GPHN: variants seen among roughly 807,000 people sequenced by gnomAD.
GPHN encodes the protein gephyrin.
Under a neutral mutation model 95.5 loss-of-function variants are expected in GPHN, and 17 were observed. The observed-to-expected ratio is 0.18, with a 90% confidence interval of 0.12 to 0.27. The LOEUF (loss-of-function observed/expected upper bound fraction) is 0.27, where lower values mean the gene tolerates loss of function less well. Ranked by LOEUF, GPHN falls within the 10% of genes least tolerant of loss-of-function variation. GPHN has a pLI of 1.00. For synonymous variants in GPHN, 320 were observed against 322.5 expected (o/e 0.99, Z 0.08); for missense variants, 660 against 978.1 (o/e 0.67, Z 4.34).
At chr14:66,539,416 T>TTTTC (rs1555337845) in intron 1 of GPHN, among the ~76,000 whole-genome samples, 6 of 145,532 alleles carry the variant, frequency 4.1e-5, no homozygotes, top group African/African-American at 1.6e-4. Flanking sequence ...TTTCTTTTTT[T>TTTTC]TTTTTTTTTT....
chr14:67,242,829 C>T, the GPHN span, among the ~76,000 whole-genome samples: 1 of 152,076 alleles, frequency 6.6e-6, no homozygotes, highest in Non-Finnish European at 1.5e-5. Context: ...TTTGGCAAGA[C>T]GGACTTGAAC....
At chr14:67,299,917 G>A in the GPHN span, among the ~76,000 whole-genome samples, 1 of 152,134 alleles carries the variant, frequency 6.6e-6, no homozygotes, top group African/African-American at 2.4e-5. Flanking sequence ...CTGTCAAAAG[G>A]TGTATGATCA....
At position 67,168,967 on chromosome 14, in the gene GPHN, C is replaced by G; in HGVS notation, c.2010C>G (p.Leu670=). 1.2e-6 allele frequency: 2 copies of G among 1,613,608 alleles called. No individual in the cohort carries two copies. Among genetic ancestry groups the G allele is most frequent in the Non-Finnish European group, 1.7e-6 (2 of 1,179,498 alleles). ...NPVSAVVTCN[L]FVVPALRKMQ... is the part of the protein sequence containing the mutation. ...TATCGGCTGTGGTCACCTGCAATCT[C>G]TTTGTTGTGCCTGCACTGAGGAAAA... Residue 670 remains leucine (L), a synonymous_variant, in exon 21 of 23, where the codon CTC becomes CTG. Transcript: ENST00000478722.
chr14:67,044,416 G>A (rs1465690779), intron 10 of GPHN, among the ~76,000 whole-genome samples: 2 of 152,016 alleles, frequency 1.3e-5, no homozygotes, highest in East Asian at 1.9e-4. Context: ...GTGTTTGTTC[G>A]TTTTGTTTTG....
the GPHN span, chr14:67,729,595 C>A: frequency 1.6e-6 from 1 of 637,480 alleles, no homozygotes; most frequent in Non-Finnish European, 2.8e-6. Context: ...ATTTTATACT[C>A]GTGTGCCGCT....
At chr14:67,188,290 A>C in the GPHN span, among the ~76,000 whole-genome samples, 1 of 152,140 alleles carries the variant, frequency 6.6e-6, no homozygotes, top group Non-Finnish European at 1.5e-5. Context: ...CATTTTAAAG[A>C]CGCTTTTGAA....
At chr14:67,115,323 A>G (rs1595202709) in intron 16 of GPHN, among the ~76,000 whole-genome samples, 3 of 152,210 alleles carry the variant, frequency 2.0e-5, no homozygotes. Context: ...ATAGCAAAAA[A>G]AAAATTACCT....
chr14:67,112,971 ATGT>A (rs1428111711), intron 15 of GPHN, 44 bp from the exon 16 acceptor site: 1 of 1,587,582 alleles, frequency 6.3e-7, no homozygotes, highest in Non-Finnish European at 8.7e-7. Context: ...AGTTGAGAAA[ATGT>A]TGTTCTCTAA....
At chr14:66,838,684 A>G (rs2153506144) in intron 4 of GPHN, among the ~76,000 whole-genome samples, 1 of 152,310 alleles carries the variant, frequency 6.6e-6, no homozygotes, top group East Asian at 1.9e-4. Flanking sequence ...ACATAGTCTA[A>G]GGAATGAAGA....
intron 5 of GPHN, among the ~76,000 whole-genome samples, chr14:66,897,536 A>C (rs1434379043): frequency 6.6e-6 from 1 of 152,022 alleles, no homozygotes; most frequent in Non-Finnish European, 1.5e-5. Flanking sequence ...TCTATTTTCT[A>C]GTTCAATATT....
At chr14:67,467,174 T>C in the GPHN span, 2 of 152,122 alleles carry the variant, frequency 1.3e-5, no homozygotes, top group Non-Finnish European at 2.9e-5. Context: ...GTTGTAATGT[T>C]ATGGGCTTCC....
the GPHN span, chr14:67,646,948 G>T: frequency 6.2e-7 from 1 of 1,609,620 alleles, no homozygotes; most frequent in South Asian, 1.1e-5. Flanking sequence ...ATGATATCCA[G>T]TATTTTTCCA....
chr14:66,605,159 C>CA (rs1263911596), intron 1 of GPHN, among the ~76,000 whole-genome samples: 1 of 152,050 alleles, frequency 6.6e-6, no homozygotes, highest in African/African-American at 2.4e-5. Context: ...ATGCAGTGAA[C>CA]ATATCGGTGC....
the GPHN span, among the ~76,000 whole-genome samples, chr14:67,596,278 G>A: frequency 0.028 from 3,659 of 132,098 alleles, 129 homozygotes; most frequent in African/African-American, 0.09. Context: ...ACAGGCACCC[G>A]CCACCACGCC....
intron 2 of GPHN, among the ~76,000 whole-genome samples, chr14:66,735,504 G>A (rs946987739): frequency 6.6e-6 from 1 of 152,036 alleles, no homozygotes; most frequent in African/African-American, 2.4e-5. Context: ...AAATTAATAT[G>A]TTTTTACTTT....
At chr14:66,714,429 A>G (rs1283149216) in intron 2 of GPHN, among the ~76,000 whole-genome samples, 1 of 152,196 alleles carries the variant, frequency 6.6e-6, no homozygotes, top group Non-Finnish European at 1.5e-5. Context: ...GTAAACGATC[A>G]TATCATCAGC....
At chr14:66,700,135 G>A (rs967842383) in intron 2 of GPHN, among the ~76,000 whole-genome samples, 12 of 152,082 alleles carry the variant, frequency 7.9e-5, no homozygotes, top group African/African-American at 2.9e-4. Context: ...AGGTTATAGT[G>A]TTAAATGTTT....
intron 9 of GPHN, among the ~76,000 whole-genome samples, chr14:66,990,900 G>T (rs1212763683): frequency 1.3e-5 from 2 of 151,500 alleles, no homozygotes; most frequent in Non-Finnish European, 1.5e-5. Flanking sequence ...AATATAGAAG[G>T]TTTGACATCA....
the GPHN span, chr14:67,557,394 G>C: frequency 1.9e-6 from 3 of 1,613,728 alleles, no homozygotes; most frequent in South Asian, 3.3e-5. Flanking sequence ...TCATCAGCCA[G>C]CTAGAGGCTC....
Sources: allele counts gnomAD v4.1 joint callset (sites outside exome capture counted in the v4.1 genomes callset), GRCh38; gene constraint gnomAD v4.1.1; transcripts MANE v1.5; gene names NCBI Gene and HGNC (gene_info 2026-07-23, HGNC 2026-07-21).